TANC1: variants seen among roughly 807,000 people sequenced by gnomAD.
The protein encoded by TANC1 is protein TANC1.
Under a neutral mutation model 149.7 loss-of-function variants are expected in TANC1, and 77 were observed. The ratio of observed to expected loss-of-function variants is 0.51; its 90% CI spans 0.43 to 0.62. The LOEUF (loss-of-function observed/expected upper bound fraction) is 0.62, where lower values mean the gene tolerates loss of function less well. Ranked by LOEUF, TANC1 falls within the 20% of genes least tolerant of loss-of-function variation. The pLI is 0.00. For synonymous variants in TANC1, 854 were observed against 925.0 expected (o/e 0.92, Z 1.39); for missense variants, 1,985 against 2,321.8 (o/e 0.85, Z 2.98).
chr2:159,159,713 TGTGTGAGAGAGAGAGA>T (rs758373973), intron 7 of TANC1, among the ~76,000 whole-genome samples: 158 of 65,642 alleles, frequency 2.4e-3, no homozygotes, highest in Admixed American at 6.2e-3. Flanking sequence ...TGTGTGTGTG[TGTGTGAGAGAGAGAGA>T]GAGAGAGAGA....
chr2:159,189,765 T>C (rs2057299998), intron 16 of TANC1, among the ~76,000 whole-genome samples: 1 of 152,262 alleles, frequency 6.6e-6, no homozygotes, highest in South Asian at 2.1e-4. Context: ...GGCTGCCAGC[T>C]AAAATCACCT....
intron 1 of TANC1, among the ~76,000 whole-genome samples, chr2:158,995,907 C>T (rs559564987): frequency 6.6e-6 from 1 of 152,356 alleles, no homozygotes. Flanking sequence ...CTGGCTCAGC[C>T]GTGGGTGCAC....
intron 4 of TANC1, among the ~76,000 whole-genome samples, chr2:159,126,987 A>T (rs1374464058): frequency 6.6e-6 from 1 of 152,274 alleles, no homozygotes; most frequent in Non-Finnish European, 1.5e-5. Context: ...GGAAGAAAGC[A>T]GAAATGTTAC....
At chr2:159,197,271 A>G (rs2057927210) in intron 18 of TANC1, among the ~76,000 whole-genome samples, 1 of 152,320 alleles carries the variant, frequency 6.6e-6, no homozygotes, top group Middle Eastern at 3.4e-3. Flanking sequence ...CACTGAATGA[A>G]AACTCCATGC....
intron 5 of TANC1, among the ~76,000 whole-genome samples, chr2:159,136,936 A>T (rs1472622671): frequency 6.6e-6 from 1 of 152,208 alleles, no homozygotes; most frequent in Non-Finnish European, 1.5e-5. Context: ...TAAAAAATCA[A>T]TTCAAGAATT....
chr2:159,064,773 C>T (rs2042521868), intron 2 of TANC1, among the ~76,000 whole-genome samples: 1 of 152,200 alleles, frequency 6.6e-6, no homozygotes, highest in South Asian at 2.1e-4. Context: ...AAAACTTCTG[C>T]TTACTCTGGG....
chr2:159,211,732 T>G (rs1450686282), intron 19 of TANC1, among the ~76,000 whole-genome samples: 1 of 152,226 alleles, frequency 6.6e-6, no homozygotes, highest in East Asian at 1.9e-4. Flanking sequence ...CTCAATCTGC[T>G]TAGAAAAAGG....
Position 159,230,750 on chromosome 2 carries a change from T to A in TANC1, c.5324T>A (p.Val1775Glu). 3.1e-6 allele frequency: 5 copies of A among 1,614,164 alleles called. No homozygotes were observed. The highest frequency in any genetic ancestry group is 4.2e-6 in the Non-Finnish European group (5 of 1,180,024). ...ACTGAGAAGCCCTCTCTCATGCAAGTGGGAGGATATAATAACCAAGCCAAA... is the reference window on the plus strand; with the variant it reads ...ACTGAGAAGCCCTCTCTCATGCAAGAGGGAGGATATAATAACCAAGCCAAA... ...ANTEKPSLMQ[V>E]GGYNNQAKTC... The change falls in exon 27 of 27, where the codon GTG (valine) becomes GAG (glutamate). Residue 1775 changes from valine to glutamate, a missense_variant. Transcript: ENST00000263635. The surrounding 1 kb of genome is among the most constrained non-coding windows in gnomAD (Gnocchi z 4.4).
chr2:159,228,994 C>A, intron 26 of TANC1, 98 bp downstream of exon 26: 1 of 899,204 alleles, frequency 1.1e-6, no homozygotes, highest in Non-Finnish European at 1.8e-6. Context: ...AAGTGTTGCT[C>A]AGGTGCCTCT....
rs758237953 is a variant in TANC1, at chr2:159,219,346, T to C, written c.3487T>C (p.Phe1163Leu). 4.0e-5 allele frequency: 64 copies of C among 1,612,506 alleles called. 3 individuals carry two copies. In the South Asian group the frequency reaches 4.9e-4, roughly 12 times the overall value. The change falls in exon 21 of 27, where the codon TTC (phenylalanine) becomes CTC (leucine). Residue 1163 changes from phenylalanine (F) to leucine (L), a missense_variant. By Grantham distance (22) the Phe-to-Leu change is conservative. Around this residue, in one of 3 missense-constraint regions of TANC1, gnomAD observed 920 missense variants for 994.7 expected, o/e 0.92. Transcript: ENST00000263635. ...ACEGHLSTVE[F>L]LLSKGAALSS... The stretch of plus-strand genomic sequence containing the variant: ...TGAAGGGCACTTGAGCACCGTGGAA[T>C]TCCTCCTTTCAAAAGGTAGCAGCGT...
intron 4 of TANC1, among the ~76,000 whole-genome samples, chr2:159,123,215 A>C (rs929158280): frequency 6.6e-6 from 1 of 152,160 alleles, no homozygotes; most frequent in African/African-American, 2.4e-5. Context: ...GATGGGGCTG[A>C]AGAATTTCCT....
At position 159,053,753 on chromosome 2, in the gene TANC1, G is replaced by A. The variant is rs145364919; in HGVS notation, c.-15-12143G>A. On this transcript the variant is annotated intron_variant, in intron 2 of 26. Transcript: ENST00000263635. ...TGGGTAAGTGTTAGGAATAGGGGCA[G>A]CATTGTTTGTATGACACAAAGGTGT... Among the ~76,000 whole-genome samples, 815 of 152,302 alleles carry A rather than the reference G, an allele frequency of 5.4e-3. 11 individuals carry two copies. The highest frequency in any genetic ancestry group is 0.018 in the African/African-American group (750 of 41,562).
At chr2:159,000,633 G>T (rs1191070146) in intron 1 of TANC1, among the ~76,000 whole-genome samples, 1 of 152,040 alleles carries the variant, frequency 6.6e-6, no homozygotes, top group African/African-American at 2.4e-5. Flanking sequence ...TGCGGCAAGG[G>T]GGTGATTGGT....
At chr2:159,035,032 G>C (rs1032395739) in intron 2 of TANC1, among the ~76,000 whole-genome samples, 2 of 152,180 alleles carry the variant, frequency 1.3e-5, no homozygotes, top group African/African-American at 2.4e-5. Flanking sequence ...AACACATACA[G>C]TAGCCTTTGT....
In TANC1 at chr2:159,163,312, G is replaced by T. The variant is rs1215908534; in HGVS notation, c.712G>T (p.Asp238Tyr). Residue 238 changes from aspartate to tyrosine, a missense_variant, in exon 8 of 27, where the codon GAC becomes TAC. By Grantham distance (160) the Asp-to-Tyr change is radical. This residue lies in a region of TANC1 where 557 missense variants were observed against 612.9 expected (regional missense o/e 0.91). Coordinates refer to ENST00000263635, the MANE Select transcript of TANC1 (RefSeq NM_033394.3). ...AATTACAAGTTCATCCGAAAATGATGACCGGAGTGGCTCCAGTTTGGAATG... is the reference window on the plus strand; with the variant it reads ...AATTACAAGTTCATCCGAAAATGATTACCGGAGTGGCTCCAGTTTGGAATG... ...ATITSSSEND[D>Y]RSGSSLEWNK... The T allele has an allele frequency of 1.9e-6, 3 of 1,613,786 alleles. No individual in the cohort carries two copies. Among genetic ancestry groups the T allele is most frequent in the South Asian group, 1.1e-5 (1 of 90,972 alleles).
At chr2:159,159,555 C>T (rs2053795388) in intron 7 of TANC1, among the ~76,000 whole-genome samples, 1 of 152,054 alleles carries the variant, frequency 6.6e-6, no homozygotes, top group Non-Finnish European at 1.5e-5. Flanking sequence ...AGGCAGACTT[C>T]ATGAACTTTT....
chr2:159,014,272 T>C (rs144139885), intron 2 of TANC1, among the ~76,000 whole-genome samples: 2,229 of 152,188 alleles, frequency 0.015, 29 homozygotes, highest in Middle Eastern at 0.027. Flanking sequence ...GCAAGTCACG[T>C]CTTATGTGAA....
chr2:159,117,544 C>T (rs1171096252), intron 4 of TANC1, among the ~76,000 whole-genome samples: 7 of 151,952 alleles, frequency 4.6e-5, no homozygotes, highest in East Asian at 1.9e-4. Flanking sequence ...TACAGGTGCC[C>T]GCCACCACGC....
intron 4 of TANC1, among the ~76,000 whole-genome samples, chr2:159,121,673 A>T (rs1400283394): frequency 6.6e-6 from 1 of 152,216 alleles, no homozygotes; most frequent in African/African-American, 2.4e-5. Flanking sequence ...ATCCAAAAAG[A>T]TGTTAATGGT....
Sources: allele counts gnomAD v4.1 joint callset (sites outside exome capture counted in the v4.1 genomes callset), GRCh38; gene constraint gnomAD v4.1.1; regional missense constraint gnomAD v4.1.1; non-coding constraint Gnocchi (gnomAD v3.1); transcripts MANE v1.5; gene names NCBI Gene and HGNC (gene_info 2026-07-23, HGNC 2026-07-21).